Variants in PDCD6IP observed in about 807,000 individuals in gnomAD.
The protein encoded by PDCD6IP is programmed cell death 6-interacting protein.
A neutral mutation model predicts 103.7 loss-of-function variants in PDCD6IP; 43 were observed. The ratio of observed to expected loss-of-function variants is 0.41; its 90% CI spans 0.32 to 0.53. The LOEUF is 0.53. Among genes scored for constraint, PDCD6IP ranks in the 20% least tolerant of loss-of-function variants. The pLI is 0.16. For synonymous variants in PDCD6IP, 354 were observed against 378.7 expected (o/e 0.93, Z 0.76); for missense variants, 871 against 1,036.7 (o/e 0.84, Z 2.20).
At chr3:33,861,681 A>G (rs1697959647) in intron 15 of PDCD6IP, among the ~76,000 whole-genome samples, 1 of 152,206 alleles carries the variant, frequency 6.6e-6, no homozygotes, top group African/African-American at 2.4e-5. Flanking sequence ...GCAATATATG[A>G]GAGTCCTGGT....
chr3:33,852,324 G>A (rs1457201074), intron 12 of PDCD6IP, among the ~76,000 whole-genome samples, 164 bp from the exon 13 acceptor site: 1 of 151,694 alleles, frequency 6.6e-6, no homozygotes, highest in Non-Finnish European at 1.5e-5. Context: ...TCAACTGAAG[G>A]TACAGTGTCT....
chr3:33,851,934 A>G (rs923127854), intron 12 of PDCD6IP, among the ~76,000 whole-genome samples: 2 of 152,004 alleles, frequency 1.3e-5, no homozygotes, highest in African/African-American at 2.4e-5. Context: ...CTGTTTCTCT[A>G]TATCTCTCTC....
chr3:33,861,200 A>G (rs1469818210), intron 15 of PDCD6IP, among the ~76,000 whole-genome samples: 1 of 150,362 alleles, frequency 6.7e-6, no homozygotes, highest in Non-Finnish European at 1.5e-5. Context: ...GCTGGAGTGC[A>G]GTGGCACGAT....
intron 1 of PDCD6IP, chr3:33,799,547 T>C (rs1321769549): frequency 1.3e-5 from 2 of 152,296 alleles, no homozygotes; most frequent in Admixed American, 6.5e-5. Flanking sequence ...AGGTAGGTTG[T>C]TTAAAAGCAG....
At chr3:33,818,513 CT>C (rs61405380) in intron 3 of PDCD6IP, among the ~76,000 whole-genome samples, 244 of 89,272 alleles carry the variant, frequency 2.7e-3, no homozygotes, top group East Asian at 7.1e-3. Context: ...TGATCCCTTG[CT>C]TTTTTTTTTT....
chr3:33,811,402 GA>G (rs1575902288), intron 1 of PDCD6IP, among the ~76,000 whole-genome samples: 1 of 152,254 alleles, frequency 6.6e-6, no homozygotes, highest in East Asian at 1.9e-4. Flanking sequence ...AAGTATAAGG[GA>G]AAAAGGAAAG....
At chr3:33,820,065 C>T (rs953582866) in intron 3 of PDCD6IP, among the ~76,000 whole-genome samples, 7 of 152,164 alleles carry the variant, frequency 4.6e-5, no homozygotes, top group Non-Finnish European at 7.4e-5. Context: ...GGGAGGATTG[C>T]TTGAACCAAC....
Position 33,864,417 on chromosome 3 carries a change from A to G in PDCD6IP, c.2244+288A>G, listed in dbSNP as rs534480993. On this transcript the variant is annotated intron_variant, in intron 16 of 17. Coordinates refer to ENST00000307296, the MANE Select transcript of PDCD6IP (RefSeq NM_013374.6). ...TATGCTATTAGGAAACAATTGGACAAATCTTTCACATGGGACATTTATATG... is the reference window on the plus strand; with the variant it reads ...TATGCTATTAGGAAACAATTGGACAGATCTTTCACATGGGACATTTATATG... Among the ~76,000 whole-genome samples the G allele has an allele frequency of 9.5e-4, 144 of 151,970 alleles. 1 individual carries two copies. The highest frequency in any genetic ancestry group is 1.5e-3 in the Non-Finnish European group (101 of 67,996).
In PDCD6IP at chr3:33,855,210, A is replaced by G. The variant is rs1427819842; in HGVS notation, c.2070A>G (p.Lys690=). 1.9e-6 allele frequency: 3 copies of G among 1,611,974 alleles called. No homozygotes were observed. The highest frequency in any genetic ancestry group is 1.1e-5 in the South Asian group (1 of 91,024). Residue 690 remains lysine, a synonymous_variant, in exon 15 of 18, where the codon AAA becomes AAG. Coordinates refer to ENST00000307296, the MANE Select transcript of PDCD6IP (RefSeq NM_013374.6). The stretch of plus-strand genomic sequence containing the variant: ...AAATCCTGGTCAGGTTCCAGAACAA[A>G]TGCAGTGATATAGTTTTTGCACGGA... The part of the protein sequence containing the change: ...LTEILVRFQN[K]CSDIVFARKT...
chr3:33,841,614 A>G (rs1278602208), intron 9 of PDCD6IP, among the ~76,000 whole-genome samples: 2 of 148,660 alleles, frequency 1.3e-5, no homozygotes, highest in Non-Finnish European at 3.0e-5. Context: ...AATTTTTTGT[A>G]TTTTTAGTAG....
chr3:33,822,625 G>A (rs933268581), intron 4 of PDCD6IP, among the ~76,000 whole-genome samples: 2 of 151,918 alleles, frequency 1.3e-5, no homozygotes, highest in African/African-American at 4.8e-5. Context: ...TACTAATATG[G>A]CATGTTATTT....
chr3:33,850,204 T>C (rs546177933), intron 12 of PDCD6IP, among the ~76,000 whole-genome samples: 1 of 152,338 alleles, frequency 6.6e-6, no homozygotes, highest in South Asian at 2.1e-4. Context: ...TAGTAACCTG[T>C]CCTTGATTGC....
chr3:33,841,275 G>A (rs1322477696), intron 9 of PDCD6IP, among the ~76,000 whole-genome samples: 2 of 151,680 alleles, frequency 1.3e-5, no homozygotes, highest in Admixed American at 6.6e-5. Context: ...TGATCCACCC[G>A]TCTGGGCCTC....
chr3:33,848,264 T>C (rs1448563859), intron 12 of PDCD6IP, among the ~76,000 whole-genome samples: 1 of 152,232 alleles, frequency 6.6e-6, no homozygotes, highest in Admixed American at 6.5e-5. Context: ...AAAAAACTCC[T>C]CTAGGTTACC....
At chr3:33,803,599 T>C (rs923456658) in intron 1 of PDCD6IP, among the ~76,000 whole-genome samples, 1 of 152,200 alleles carries the variant, frequency 6.6e-6, no homozygotes, top group Non-Finnish European at 1.5e-5. Flanking sequence ...GTTTATTCTA[T>C]CTTTTGTCAC....
chr3:33,860,100 A>G (rs923618239), intron 15 of PDCD6IP, among the ~76,000 whole-genome samples: 3 of 152,214 alleles, frequency 2.0e-5, no homozygotes, highest in Admixed American at 6.5e-5. Flanking sequence ...AATAACAAAT[A>G]TAGAAATTGG....
chr3:33,820,521 C>T (rs1326819691), intron 3 of PDCD6IP, among the ~76,000 whole-genome samples: 1 of 152,108 alleles, frequency 6.6e-6, no homozygotes, highest in Non-Finnish European at 1.5e-5. Context: ...ACTTTTTCAT[C>T]TAGCAAATCT....
intron 12 of PDCD6IP, among the ~76,000 whole-genome samples, chr3:33,851,678 G>T (rs1376748202): frequency 6.6e-6 from 1 of 151,554 alleles, no homozygotes; most frequent in Non-Finnish European, 1.5e-5. Flanking sequence ...TCACTTTGTT[G>T]CCTAGGCTGA....
chr3:33,862,277 T>C (rs967243196), intron 15 of PDCD6IP, among the ~76,000 whole-genome samples: 12 of 152,058 alleles, frequency 7.9e-5, no homozygotes, highest in Admixed American at 2.0e-4. Flanking sequence ...CTAGTTTTCT[T>C]TATGTCTGGA....
Sources: allele counts gnomAD v4.1 joint callset (sites outside exome capture counted in the v4.1 genomes callset), GRCh38; gene constraint gnomAD v4.1.1; transcripts MANE v1.5; gene names NCBI Gene and HGNC (gene_info 2026-07-23, HGNC 2026-07-21).